Variants in HYAL4 observed in about 807,000 individuals in gnomAD.
HYAL4 encodes the protein hyaluronidase 4, also known as hyaluronidase-4.
Under a neutral mutation model 35.2 loss-of-function variants are expected in HYAL4, and 37 were observed. The ratio of observed to expected loss-of-function variants is 1.05; its 90% CI spans 0.81 to 1.38. The LOEUF is 1.38. Ranked by LOEUF, HYAL4 falls within the 40% of genes most tolerant of loss-of-function variation. The pLI is 0.00. For synonymous variants in HYAL4, 198 were observed against 203.2 expected (o/e 0.97, Z 0.22); for missense variants, 572 against 572.4 (o/e 1.00, Z 0.01).
the HYAL4 span, among the ~76,000 whole-genome samples, chr7:123,801,616 A>T: frequency 6.6e-6 from 1 of 152,142 alleles, no homozygotes; most frequent in Non-Finnish European, 1.5e-5. Flanking sequence ...AGGTAAGTAA[A>T]TGTATCTTAT....
chr7:123,819,569 C>G, the HYAL4 span: 13 of 152,098 alleles, frequency 8.5e-5, no homozygotes, highest in African/African-American at 2.9e-4. Flanking sequence ...AGTACAGGGT[C>G]TAACATTGAG....
At chr7:123,795,957 A>G in the HYAL4 span, among the ~76,000 whole-genome samples, 1 of 152,208 alleles carries the variant, frequency 6.6e-6, no homozygotes, top group East Asian at 1.9e-4. Context: ...GTACTGTTTG[A>G]CAGAGACACA....
chr7:123,854,224 C>A (rs1806378376), intron 2 of HYAL4, among the ~76,000 whole-genome samples: 1 of 152,092 alleles, frequency 6.6e-6, no homozygotes, highest in Admixed American at 6.6e-5. Flanking sequence ...CTATTTCCTT[C>A]AGTTCTGTTC....
intron 2 of HYAL4, among the ~76,000 whole-genome samples, chr7:123,856,524 T>C (rs919890521): frequency 3.9e-5 from 6 of 152,226 alleles, no homozygotes; most frequent in African/African-American, 1.4e-4. Context: ...ACTAGGAGGC[T>C]GCAGAACAGC....
the HYAL4 span, among the ~76,000 whole-genome samples, chr7:123,820,313 GCCTGTAATC>G: frequency 3.9e-5 from 6 of 152,130 alleles, no homozygotes; most frequent in East Asian, 1.2e-3. Context: ...GGTGGCTCAC[GCCTGTAATC>G]CCTGTAATCC....
the HYAL4 span, among the ~76,000 whole-genome samples, chr7:123,789,441 CACTCTG>C: frequency 6.6e-6 from 1 of 152,138 alleles, no homozygotes; most frequent in Non-Finnish European, 1.5e-5. Flanking sequence ...CAATGACATA[CACTCTG>C]ACCAGGAGAG....
chr7:123,812,943 T>C, the HYAL4 span, among the ~76,000 whole-genome samples: 3 of 152,152 alleles, frequency 2.0e-5, no homozygotes, highest in African/African-American at 7.2e-5. Flanking sequence ...TGAAGGCAAT[T>C]GTCTCAATAA....
the HYAL4 span, among the ~76,000 whole-genome samples, chr7:123,772,614 A>C: frequency 6.3e-3 from 965 of 152,334 alleles, 9 homozygotes; most frequent in African/African-American, 0.022. Flanking sequence ...TAGGCAAAAA[A>C]CTGAGACCGA....
chr7:123,855,980 T>C (rs1468471357), intron 2 of HYAL4, among the ~76,000 whole-genome samples: 2 of 151,860 alleles, frequency 1.3e-5, no homozygotes, highest in South Asian at 4.1e-4. Context: ...TTTCTTCTGC[T>C]TGATTGATTT....
chr7:123,786,585 C>T, the HYAL4 span, among the ~76,000 whole-genome samples: 1 of 151,858 alleles, frequency 6.6e-6, no homozygotes, highest in Non-Finnish European at 1.5e-5. Flanking sequence ...AAGACATGTT[C>T]CAATGGGGAA....
the HYAL4 span, among the ~76,000 whole-genome samples, chr7:123,795,744 T>G: frequency 6.6e-6 from 1 of 152,206 alleles, no homozygotes; most frequent in Non-Finnish European, 1.5e-5. Flanking sequence ...ATGTCTTTAC[T>G]AGCAGCATGA....
chr7:123,836,186 C>T (rs1584909207), intron 1 of HYAL4, among the ~76,000 whole-genome samples: 2 of 152,066 alleles, frequency 1.3e-5, no homozygotes, highest in African/African-American at 4.8e-5. Flanking sequence ...TGAAGTCCCC[C>T]ACTATTATTA....
the HYAL4 span, among the ~76,000 whole-genome samples, chr7:123,804,592 G>A: frequency 7.3e-5 from 11 of 151,570 alleles, no homozygotes; most frequent in South Asian, 8.3e-4. Context: ...TAAATAGGAC[G>A]TATATGTTTC....
At position 123,877,216 on chromosome 7, in the gene HYAL4, A is replaced by G. The variant is rs1029900097; in HGVS notation, c.*61A>G. The G allele has an allele frequency of 1.4e-6, 2 of 1,479,566 alleles. No homozygotes were observed. The highest frequency in any genetic ancestry group is 1.8e-6 in the Non-Finnish European group (2 of 1,098,134). 91.7% of individuals were successfully genotyped at this position (1,479,566 alleles called of 1,614,324 possible). On this transcript the variant is annotated 3_prime_UTR_variant, in exon 5 of 5. Coordinates refer to ENST00000223026, the MANE Select transcript of HYAL4 (RefSeq NM_012269.3). ...GCCTAGTCATTTAAAGAAGGATGTA[A>G]CTTATAACATTTTTTTTCTCTTATG...
intron 2 of HYAL4, among the ~76,000 whole-genome samples, chr7:123,852,708 T>A (rs2116931536): frequency 6.6e-6 from 1 of 152,350 alleles, no homozygotes; most frequent in African/African-American, 2.4e-5. Context: ...TAGGATTGTC[T>A]TGGCTATACA....
At chr7:123,803,428 A>T in the HYAL4 span, among the ~76,000 whole-genome samples, 1 of 152,186 alleles carries the variant, frequency 6.6e-6, no homozygotes, top group East Asian at 1.9e-4. Context: ...TTTAATCAGC[A>T]TCTAATGGCT....
chr7:123,789,577 C>G, the HYAL4 span, among the ~76,000 whole-genome samples: 52 of 152,164 alleles, frequency 3.4e-4, no homozygotes, highest in African/African-American at 1.1e-3. Flanking sequence ...AACATATGCT[C>G]TGTTATTTGC....
intron 1 of HYAL4, among the ~76,000 whole-genome samples, chr7:123,847,719 C>T (rs1441854371): frequency 1.3e-5 from 2 of 151,986 alleles, no homozygotes; most frequent in Non-Finnish European, 2.9e-5. Context: ...TGGAGGTTGC[C>T]GTGAGCTGAG....
chr7:123,870,688 A>G (rs1363742340), intron 3 of HYAL4, among the ~76,000 whole-genome samples: 5 of 151,522 alleles, frequency 3.3e-5, no homozygotes, highest in Non-Finnish European at 7.4e-5. Flanking sequence ...TGAACTCGGG[A>G]GGCAGAGGTT....
Sources: allele counts gnomAD v4.1 joint callset (sites outside exome capture counted in the v4.1 genomes callset), GRCh38; gene constraint gnomAD v4.1.1; transcripts MANE v1.5; gene names NCBI Gene and HGNC (gene_info 2026-07-23, HGNC 2026-07-21).